The following MBD5 variants were observed in gnomAD, a reference collection of about 807,000 sequenced individuals.
MBD5 encodes methyl-CpG binding domain protein 5.
MBD5 carries 13 observed loss-of-function variants against 117.3 expected under a neutral mutation model. The ratio of observed to expected loss-of-function variants is 0.11; its 90% CI spans 0.07 to 0.18. The LOEUF (loss-of-function observed/expected upper bound fraction) is 0.18, where lower values mean the gene tolerates loss of function less well. MBD5 is among the 10% of genes least tolerant of loss of function. MBD5 has a pLI of 1.00. For missense variants in MBD5, 1,879 were observed against 2,093.8 expected (o/e 0.90, Z 2.00); for synonymous variants, 727 against 766.4 (o/e 0.95, Z 0.85).
intron 4 of MBD5, among the ~76,000 whole-genome samples, chr2:148,417,790 C>T (rs1226960037): frequency 2.0e-5 from 3 of 151,602 alleles, no homozygotes; most frequent in Admixed American, 1.3e-4. Context: ...GCCATTTGCC[C>T]ACTTTTTAAT....
At chr2:148,462,729 G>T in intron 6 of MBD5, 45 bp downstream of exon 6, 1 of 1,241,036 alleles carries the variant, frequency 8.1e-7, no homozygotes, top group Non-Finnish European at 1.2e-6. Context: ...TATTTTTTAG[G>T]TATTTTGTAT....
intron 1 of MBD5, among the ~76,000 whole-genome samples, chr2:148,149,367 CTT>C (rs1697572249): frequency 7.2e-6 from 1 of 138,152 alleles, no homozygotes; most frequent in African/African-American, 2.7e-5. Context: ...GGTTCCAAGT[CTT>C]TGCTATTGTG....
chr2:148,459,908 A>T (rs146590148), intron 5 of MBD5, among the ~76,000 whole-genome samples: 2 of 152,254 alleles, frequency 1.3e-5, no homozygotes, highest in Non-Finnish European at 1.5e-5. Flanking sequence ...TTTTACTTCT[A>T]TAATATTAAA....
At position 148,329,075 on chromosome 2, in the gene MBD5, A is replaced by G. The variant is rs187650835; in HGVS notation, c.-679-13139A>G. Among the ~76,000 whole-genome samples the G allele has an allele frequency of 8.0e-3, 1,213 of 152,316 alleles. 2 individuals are homozygous for G. The highest frequency in any genetic ancestry group is 0.011 in the Non-Finnish European group (724 of 68,030). On this transcript the variant is annotated intron_variant, in intron 3 of 13. Transcript: ENST00000642680. Reference sequence around the variant, plus strand: ...CATTCACTGTCATTAGGTAATGATAATAGAGGGTGAGACAAAAATCAGCCT... The same window carrying G: ...CATTCACTGTCATTAGGTAATGATAGTAGAGGGTGAGACAAAAATCAGCCT...
At chr2:148,352,366 G>A (rs146281768) in intron 4 of MBD5, among the ~76,000 whole-genome samples, 16 of 151,940 alleles carry the variant, frequency 1.1e-4, no homozygotes, top group Middle Eastern at 3.4e-3. Context: ...CAGACATATG[G>A]TGTACTCTTT....
intron 1 of MBD5, chr2:148,070,945 G>T (rs1695335306): frequency 6.6e-6 from 1 of 151,598 alleles, no homozygotes; most frequent in South Asian, 2.1e-4. Flanking sequence ...TCTGCCTTCT[G>T]GGTTCAAGCA....
chr2:148,423,245 C>T (rs1410069227), intron 4 of MBD5, among the ~76,000 whole-genome samples: 1 of 151,962 alleles, frequency 6.6e-6, no homozygotes, highest in Non-Finnish European at 1.5e-5. Flanking sequence ...CAGCAGAAAC[C>T]CTACAATCCA....
At chr2:148,185,262 T>C (rs1698627185) in intron 2 of MBD5, among the ~76,000 whole-genome samples, 1 of 152,242 alleles carries the variant, frequency 6.6e-6, no homozygotes, top group African/African-American at 2.4e-5. Flanking sequence ...TTGTCCTTTT[T>C]CACCCCACTT....
intron 4 of MBD5, among the ~76,000 whole-genome samples, chr2:148,364,051 G>A (rs370534726): frequency 1.3e-4 from 20 of 152,134 alleles, no homozygotes; most frequent in African/African-American, 4.1e-4. Context: ...CGACAGATTC[G>A]CCAAGGTTGA....
At chr2:148,157,051 T>C (rs1478550197) in intron 1 of MBD5, among the ~76,000 whole-genome samples, 1 of 152,224 alleles carries the variant, frequency 6.6e-6, no homozygotes, top group Non-Finnish European at 1.5e-5. Flanking sequence ...CACATAGCAA[T>C]ATGGTCACCA....
chr2:148,494,359 G>GT (rs1191986280), intron 11 of MBD5, among the ~76,000 whole-genome samples: 1 of 151,778 alleles, frequency 6.6e-6, no homozygotes, highest in Non-Finnish European at 1.5e-5. Context: ...ACTTGAAAGC[G>GT]TTTTAAAGCA....
intron 4 of MBD5, among the ~76,000 whole-genome samples, chr2:148,398,358 A>T (rs1245284963): frequency 2.0e-5 from 3 of 151,660 alleles, no homozygotes; most frequent in Non-Finnish European, 4.4e-5. Flanking sequence ...AACTGGTGAG[A>T]TGGTATCTCA....
intron 10 of MBD5, 45 bp downstream of exon 10, chr2:148,485,995 G>C: frequency 6.3e-7 from 1 of 1,582,226 alleles, no homozygotes; most frequent in Non-Finnish European, 8.7e-7. Flanking sequence ...CAATGTCTGA[G>C]TTTGTTTAAA....
chr2:148,446,932 T>A (rs750884831), intron 4 of MBD5, among the ~76,000 whole-genome samples: 14 of 151,838 alleles, frequency 9.2e-5, no homozygotes, highest in Non-Finnish European at 1.6e-4. Flanking sequence ...TCCAGAAAAA[T>A]TTCAGTGGCA....
intron 3 of MBD5, among the ~76,000 whole-genome samples, chr2:148,237,240 C>T (rs1700110003): frequency 6.6e-6 from 1 of 152,176 alleles, no homozygotes. Context: ...TAATTTGCTT[C>T]AAGAGCTTTT....
rs1309501910 is a variant in MBD5 at position 148,510,098 on chromosome 2, A to G, written c.5075A>G (p.His1692Arg). ...KLNNHLEAAIHEAMSELDKMS... is the reference protein window; with the variant it reads ...KLNNHLEAAIREAMSELDKMS... The stretch of plus-strand genomic sequence containing the variant: ...AATAACCATTTAGAAGCTGCTATTC[A>G]TGAGGCCATGAGTGAACTGGACAAA... The change falls in exon 13 of 14, where the codon CAT (histidine) becomes CGT (arginine). Residue 1692 changes from histidine (H) to arginine (R), a missense_variant. His to Arg is a conservative substitution (Grantham distance 29, BLOSUM62 0). This residue lies in a region of MBD5 where 135 missense variants were observed against 148.0 expected (regional missense o/e 0.91). Transcript: ENST00000642680. 1 of 1,613,114 alleles carries G rather than the reference A, an allele frequency of 6.2e-7. No homozygotes were observed. The highest frequency in any genetic ancestry group is 2.2e-5 in the East Asian group (1 of 44,854).
chr2:148,063,021 G>C (rs1695082412), intron 1 of MBD5, among the ~76,000 whole-genome samples: 1 of 152,056 alleles, frequency 6.6e-6, no homozygotes, highest in African/African-American at 2.4e-5. Flanking sequence ...CTATGACCCA[G>C]TTTGTTAAAC....
chr2:148,423,872 G>T (rs1459203315), intron 4 of MBD5, among the ~76,000 whole-genome samples: 1 of 151,964 alleles, frequency 6.6e-6, no homozygotes, highest in Non-Finnish European at 1.5e-5. Context: ...CAAGCAAATG[G>T]AAAGCAATAA....
At chr2:148,378,358 T>C (rs1704047307) in intron 4 of MBD5, among the ~76,000 whole-genome samples, 1 of 152,138 alleles carries the variant, frequency 6.6e-6, no homozygotes, top group Non-Finnish European at 1.5e-5. Flanking sequence ...CTAACCTGCT[T>C]TAAGAGTTTA....
Sources: allele counts gnomAD v4.1 joint callset (sites outside exome capture counted in the v4.1 genomes callset), GRCh38; gene constraint gnomAD v4.1.1; regional missense constraint gnomAD v4.1.1; transcripts MANE v1.5; gene names NCBI Gene and HGNC (gene_info 2026-07-23, HGNC 2026-07-21).